HELZ: variants seen among roughly 807,000 people sequenced by gnomAD.
HELZ encodes the protein ATP-dependent RNA helicase with zinc finger domain.
A neutral mutation model predicts 218.2 loss-of-function variants in HELZ; 23 were observed. The observed-to-expected ratio is 0.11, with a 90% CI of 0.08 to 0.15. HELZ has a LOEUF of 0.15. Among genes scored for constraint, HELZ ranks in the 10% least tolerant of loss-of-function variants. HELZ has a pLI of 1.00. For synonymous variants in HELZ, 814 were observed against 829.4 expected, an observed-to-expected ratio of 0.98 and a Z score of 0.32; for missense variants, 1,813 against 2,353.7, an observed-to-expected ratio of 0.77 and a Z score of 4.75.
chr17:67,082,680 G>T (rs557290904), intron 32 of HELZ, among the ~76,000 whole-genome samples: 4 of 151,894 alleles, frequency 2.6e-5, no homozygotes, highest in African/African-American at 9.7e-5. Flanking sequence ...TGGCTTTCAA[G>T]AACAATTAGT....
At chr17:67,218,366 C>T (rs2040660479) in intron 4 of HELZ, among the ~76,000 whole-genome samples, 1 of 152,180 alleles carries the variant, frequency 6.6e-6, no homozygotes, top group South Asian at 2.1e-4. Flanking sequence ...GTACACAGTA[C>T]ATACTCAATA....
chr17:67,215,498 G>A (rs1230480758), intron 5 of HELZ, among the ~76,000 whole-genome samples: 2 of 152,020 alleles, frequency 1.3e-5, no homozygotes, highest in South Asian at 2.1e-4. Context: ...ACAGGCATGC[G>A]CCGCCACGCC....
chr17:67,233,082 C>G (rs2041079951), intron 3 of HELZ, among the ~76,000 whole-genome samples: 1 of 152,132 alleles, frequency 6.6e-6, no homozygotes, highest in African/African-American at 2.4e-5. Flanking sequence ...TGCAGTGAGT[C>G]GAGATCGAGC....
At chr17:67,121,331 T>G (rs2037602655) in intron 26 of HELZ, among the ~76,000 whole-genome samples, 1 of 152,238 alleles carries the variant, frequency 6.6e-6, no homozygotes, top group Admixed American at 6.5e-5. Flanking sequence ...AGAAGTCTCT[T>G]TGACCTAGTA....
intron 12 of HELZ, 55 bp from the exon 13 acceptor site, chr17:67,178,981 A>G: frequency 8.5e-7 from 1 of 1,174,200 alleles, no homozygotes; most frequent in Non-Finnish European, 1.2e-6. Flanking sequence ...AAATTTTTAA[A>G]TAACATTAAA....
intron 31 of HELZ, among the ~76,000 whole-genome samples, chr17:67,100,092 T>C (rs1241280924): frequency 6.6e-6 from 1 of 152,158 alleles, no homozygotes; most frequent in Non-Finnish European, 1.5e-5. Context: ...ATTCCTAAAG[T>C]GAGAATAGGC....
rs910474690 is a variant in HELZ, at chr17:67,075,011, T to C, written c.*3241A>G. Reference sequence around the variant, plus strand: ...ACTACTGATTAATCAAAAACAAAGTTCTGCTATAACAATTTGGCAAAGCAT... The same window carrying C: ...ACTACTGATTAATCAAAAACAAAGTCCTGCTATAACAATTTGGCAAAGCAT... On this transcript the variant is annotated 3_prime_UTR_variant, in exon 33 of 33. Transcript: ENST00000358691. 2 of 152,140 alleles carry C rather than the reference T, an allele frequency of 1.3e-5. No homozygotes were observed. The highest frequency in any genetic ancestry group is 1.3e-4 in the Admixed American group (2 of 15,272). 9.4% of individuals were successfully genotyped at this position (152,140 alleles called of 1,614,324 possible).
intron 32 of HELZ, among the ~76,000 whole-genome samples, chr17:67,084,261 A>C (rs964566819): frequency 2.6e-5 from 4 of 152,252 alleles, no homozygotes; most frequent in Non-Finnish European, 5.9e-5. Context: ...TATTTGCAGA[A>C]AAGATACCAC....
intron 28 of HELZ, among the ~76,000 whole-genome samples, chr17:67,113,081 T>C (rs1011447334): frequency 6.6e-6 from 1 of 152,096 alleles, no homozygotes; most frequent in Non-Finnish European, 1.5e-5. Context: ...GCAGTAGCTA[T>C]AAAGGAGATG....
At chr17:67,237,577 T>C (rs73330340) in intron 3 of HELZ, among the ~76,000 whole-genome samples, 4,527 of 151,938 alleles carry the variant, frequency 0.03, 222 homozygotes, top group African/African-American at 0.1. Flanking sequence ...TTTTTTTAAC[T>C]ACAAAAAACA....
chr17:67,093,129 AAAAAC>A (rs1381189718), intron 31 of HELZ, among the ~76,000 whole-genome samples: 3 of 152,234 alleles, frequency 2.0e-5, no homozygotes, highest in Admixed American at 1.3e-4. Flanking sequence ...ATTAAAAATC[AAAAAC>A]AAAACAACAA....
Position 67,078,415 on chromosome 17 carries a change from C to G in HELZ, c.5666G>C (p.Gly1889Ala). Reference sequence around the variant, plus strand: ...GGCATAGGACATGGCGGGCTTGCCCCCCGCAGAGCTCTGGGGGCTACTGCT... The same window carrying G: ...GGCATAGGACATGGCGGGCTTGCCCGCCGCAGAGCTCTGGGGGCTACTGCT... ...ANSSSPQSSA[G>A]GKPAMSYASA... is the part of the protein sequence containing the mutation. Residue 1889 changes from glycine (G) to alanine (A), a missense_variant, in exon 33 of 33, where the codon GGG becomes GCG. Transcript: ENST00000358691. The G allele has an allele frequency of 1.3e-6, 2 of 1,599,006 alleles. No homozygotes were observed. The highest frequency in any genetic ancestry group is 1.7e-6 in the Non-Finnish European group (2 of 1,174,968).
At chr17:67,163,338 A>G (rs140187733) in intron 15 of HELZ, among the ~76,000 whole-genome samples, 1,649 of 152,346 alleles carry the variant, frequency 0.011, 20 homozygotes, top group South Asian at 0.018. Context: ...ATAAACATTT[A>G]TAGAAAGCCA....
intron 15 of HELZ, among the ~76,000 whole-genome samples, chr17:67,161,298 C>T (rs2038988462): frequency 6.6e-6 from 1 of 152,182 alleles, no homozygotes; most frequent in African/African-American, 2.4e-5. Context: ...TCTTGTCCTA[C>T]ACTACGTACA....
intron 7 of HELZ, among the ~76,000 whole-genome samples, chr17:67,195,852 C>CTTTTTTTTTTTTTTTTTT (rs1238942016): frequency 1.2e-5 from 1 of 84,852 alleles, no homozygotes; most frequent in Non-Finnish European, 2.3e-5. Context: ...TTTTTTTTTT[C>CTTTTTTTTTTTTTTTTTT]TTTTTTTTTT....
chr17:67,185,594 T>G (rs1408009622), intron 12 of HELZ, among the ~76,000 whole-genome samples: 1 of 152,198 alleles, frequency 6.6e-6, no homozygotes, highest in African/African-American at 2.4e-5. Flanking sequence ...GCCTAAAACC[T>G]AGATCTAAGT....
chr17:67,152,323 G>T (rs1187146105), intron 17 of HELZ, among the ~76,000 whole-genome samples: 1 of 152,174 alleles, frequency 6.6e-6, no homozygotes, highest in Non-Finnish European at 1.5e-5. Context: ...TGAGCGGCAC[G>T]GAGGAAGGAG....
At chr17:67,163,978 A>C (rs931946786) in intron 15 of HELZ, among the ~76,000 whole-genome samples, 4 of 152,226 alleles carry the variant, frequency 2.6e-5, no homozygotes, top group African/African-American at 9.7e-5. Context: ...AATATACTAC[A>C]TCATATACAA....
At chr17:67,195,782 C>G (rs532371506) in intron 7 of HELZ, among the ~76,000 whole-genome samples, 3 of 150,040 alleles carry the variant, frequency 2.0e-5, no homozygotes, top group Non-Finnish European at 4.4e-5. Flanking sequence ...CATTTATTCA[C>G]TTTACTCTCC....
Sources: allele counts gnomAD v4.1 joint callset (sites outside exome capture counted in the v4.1 genomes callset), GRCh38; gene constraint gnomAD v4.1.1; transcripts MANE v1.5; gene names NCBI Gene and HGNC (gene_info 2026-07-23, HGNC 2026-07-21).